The following FXR2 variants were observed in gnomAD, a reference collection of about 807,000 sequenced individuals.
FXR2 encodes FMR1 autosomal homolog 2, also known as RNA-binding protein FXR2.
In FXR2, 9 loss-of-function variants were observed where a neutral mutation model predicts 87.3. The ratio of observed to expected loss-of-function variants is 0.10; its 90% confidence interval spans 0.06 to 0.18. The LOEUF (loss-of-function observed/expected upper bound fraction) is 0.18, where lower values mean the gene tolerates loss of function less well. Ranked by LOEUF, FXR2 falls within the 10% of genes least tolerant of loss-of-function variation. FXR2 has a pLI of 1.00. For synonymous variants in FXR2, 331 were observed against 328.3 expected (o/e 1.01, Z -0.09); for missense variants, 661 against 893.6 (o/e 0.74, Z 3.32).
chr17:7,599,713 C>T (rs917013733), intron 7 of FXR2, among the ~76,000 whole-genome samples: 1 of 151,712 alleles, frequency 6.6e-6, no homozygotes, highest in African/African-American at 2.4e-5. Context: ...CCCATCTCTA[C>T]TAAAAAAGAC....
At position 7,593,478 on chromosome 17, in the gene FXR2, GGGA is replaced by G. The variant is rs747749455; in HGVS notation, c.1252_1254del (p.Ser418del). The G allele has an allele frequency of 6.9e-6, 11 of 1,588,874 alleles. No individual in the cohort carries two copies. The highest frequency in any genetic ancestry group is 5.4e-5 in the African/African-American group (4 of 74,424). On this transcript the variant is annotated inframe_deletion, in exon 12 of 17. Coordinates refer to ENST00000250113, the MANE Select transcript of FXR2 (RefSeq NM_004860.4). The surrounding 1 kb of genome is among the most constrained non-coding windows in gnomAD (Gnocchi z 6.1). Reference sequence around the variant, plus strand: ...CCCCCATAGGTTCGAGTCGCATGGAGGGAGGAGGAGGAGCTCTCATCAGTGCTA... The same window carrying G: ...CCCCCATAGGTTCGAGTCGCATGGAGGGAGGAGGAGCTCTCATCAGTGCTA...
chr17:7,592,276 T>C lies in FXR2; in HGVS notation c.1904A>G (p.Glu635Gly). ...RPPLERTKPSEDSLSGQKGDS... is the reference protein window; with the variant it reads ...RPPLERTKPSGDSLSGQKGDS... ...TACCTTCTGTCCTGAAAGAGAGTCT[T>C]CTGAGGGTTTAGTGCGTTCCAGGGG... is the stretch of plus-strand genomic sequence containing the variant. Residue 635 changes from glutamate (E) to glycine (G), a missense_variant, in exon 16 of 17, where the codon GAA becomes GGA. Glu to Gly is a moderately conservative substitution (Grantham distance 98). Coordinates refer to ENST00000250113, the MANE Select transcript of FXR2 (RefSeq NM_004860.4). This position sits in a 1 kb window ranked among gnomAD's most constrained non-coding sequence, Gnocchi z 4.8. 6.2e-7 allele frequency: 1 copy of C among 1,612,418 alleles called. No homozygotes were observed.
chr17:7,607,123 A>G (rs2071809181), intron 1 of FXR2, among the ~76,000 whole-genome samples: 1 of 152,128 alleles, frequency 6.6e-6, no homozygotes, highest in African/African-American at 2.4e-5. Flanking sequence ...GTTCGAGACC[A>G]GCCTGCCAAC....
Position 7,614,517 on chromosome 17 carries a change from A to C in FXR2, c.16T>G (p.Ser6Ala). The change falls in exon 1 of 17, where the codon TCT becomes GCT. Residue 6 changes from serine to alanine, a missense_variant. Transcript: ENST00000250113. MGGLA[S>A]GGDVEPGLPV... is the part of the protein sequence containing the mutation. ...AGTCCCGGCTCCACATCCCCCCCAGAGGCCAGGCCGCCCATGGCGCCGCCA... is the reference window on the plus strand; with the variant it reads ...AGTCCCGGCTCCACATCCCCCCCAGCGGCCAGGCCGCCCATGGCGCCGCCA... 6.7e-7 allele frequency: 1 copy of C among 1,502,330 alleles called. No individual in the cohort carries two copies. The highest frequency in any genetic ancestry group is 1.4e-5 in the African/African-American group (1 of 69,430). 93.1% of individuals were successfully genotyped at this position (1,502,330 alleles called of 1,614,324 possible).
At position 7,591,991 on chromosome 17, in the gene FXR2, C is replaced by T; in HGVS notation, c.1927-66G>A. On this transcript the variant is annotated intron_variant, in intron 16 of 16. Coordinates refer to ENST00000250113, the MANE Select transcript of FXR2 (RefSeq NM_004860.4). This position sits in a 1 kb window ranked among gnomAD's most constrained non-coding sequence, Gnocchi z 4.0. ...GGTGAGTAGAAATTCAGGTGGGAGA[C>T]ATTCCCTACCATCCAAGCCCTCCTG... 8.4e-7 allele frequency: 1 copy of T among 1,186,126 alleles called. No homozygotes were observed. Among genetic ancestry groups the T allele is most frequent in the Non-Finnish European group, 1.2e-6 (1 of 826,244 alleles). 73.5% of individuals were successfully genotyped at this position (1,186,126 alleles called of 1,614,324 possible).
Position 7,610,827 on chromosome 17 carries a change from C to T in FXR2, c.81+3625G>A, listed in dbSNP as rs143813646. 3.4e-3 allele frequency among the ~76,000 whole-genome samples: 518 copies of T among 152,294 alleles called. 2 individuals carry two copies. Among genetic ancestry groups the T allele is most frequent in the African/African-American group, 0.011 (477 of 41,566 alleles). Reference sequence around the variant, plus strand: ...ACTTGATTCAGTGGCCATAGCATCACCTGGCTTTGGCTTCTGGAGCCTGGC... The same window carrying T: ...ACTTGATTCAGTGGCCATAGCATCATCTGGCTTTGGCTTCTGGAGCCTGGC... On this transcript the variant is annotated intron_variant, in intron 1 of 16. Transcript: ENST00000250113.
rs779101067 is a variant in FXR2, at chr17:7,593,635, T to C, written c.1108-10A>G. On this transcript the variant is annotated splice_polypyrimidine_tract_variant and intron_variant, in intron 11 of 16. Transcript: ENST00000250113. The surrounding 1 kb of genome is among the most constrained non-coding windows in gnomAD (Gnocchi z 6.1). ...GAAGCTGCTCTACCTCCTGGTTGGGTAAAAGATGGAAGAAGGGGAAGGAGA... is the reference window on the plus strand; with the variant it reads ...GAAGCTGCTCTACCTCCTGGTTGGGCAAAAGATGGAAGAAGGGGAAGGAGA... The C allele has an allele frequency of 3.2e-6, 5 of 1,554,558 alleles. No homozygotes were observed. The highest frequency in any genetic ancestry group is 1.9e-5 in the Admixed American group (1 of 53,580).
At chr17:7,601,351 G>T in intron 7 of FXR2, 58 bp downstream of exon 7, 5 of 922,264 alleles carry the variant, frequency 5.4e-6, no homozygotes, top group East Asian at 4.8e-5. Flanking sequence ...ATGGAGGACA[G>T]GGTAGGAAGG....
chr17:7,607,576 C>T (rs1023763216), intron 1 of FXR2, among the ~76,000 whole-genome samples: 9 of 151,550 alleles, frequency 5.9e-5, no homozygotes, highest in Admixed American at 1.3e-4. Context: ...TACAGGCAAC[C>T]GCCACCACAC....
intron 7 of FXR2, among the ~76,000 whole-genome samples, chr17:7,600,975 T>A (rs2071750549): frequency 6.8e-6 from 1 of 147,038 alleles, no homozygotes; most frequent in South Asian, 2.2e-4. Flanking sequence ...AGGCCAGGAG[T>A]TCGAGGCCAG....
At position 7,593,508 on chromosome 17, in the gene FXR2, A is replaced by C; in HGVS notation, c.1225T>G (p.Tyr409Asp). 1 of 1,587,646 alleles carries C rather than the reference A, an allele frequency of 6.3e-7. No homozygotes were observed. The highest frequency in any genetic ancestry group is 8.6e-7 in the Non-Finnish European group (1 of 1,168,720). Reference sequence around the variant, plus strand: ...GAGGAGGAGCTCTCATCAGTGCTATATCCAGCCTTGTCGCTGCCACCGCTG... The same window carrying C: ...GAGGAGGAGCTCTCATCAGTGCTATCTCCAGCCTTGTCGCTGCCACCGCTG... Reference protein sequence around the residue: ...RGSGGSDKAGYSTDESSSSSL... With the variant: ...RGSGGSDKAGDSTDESSSSSL... The change falls in exon 12 of 17, where the codon TAT becomes GAT. Residue 409 changes from tyrosine to aspartate, a missense_variant. By Grantham distance (160) the Tyr-to-Asp change is radical. Transcript: ENST00000250113. The surrounding 1 kb of genome is among the most constrained non-coding windows in gnomAD (Gnocchi z 6.1).
chr17:7,597,080 C>T (rs2071713423), intron 7 of FXR2, among the ~76,000 whole-genome samples: 1 of 151,904 alleles, frequency 6.6e-6, no homozygotes, highest in Admixed American at 6.6e-5. Flanking sequence ...AGCCTGGTGA[C>T]AGAGCAAAAC....
At position 7,592,360 on chromosome 17, in the gene FXR2, G is replaced by A. The variant is rs2071669584; in HGVS notation, c.1826-6C>T. ...GATATAGTCAGCCACAGTCACTGGG[G>A]AAGGCAGGAGATTAAGACTTTCAGA... On this transcript the variant is annotated splice_polypyrimidine_tract_variant and splice_region_variant and intron_variant, in intron 15 of 16. Coordinates refer to ENST00000250113, the MANE Select transcript of FXR2 (RefSeq NM_004860.4). This position sits in a 1 kb window ranked among gnomAD's most constrained non-coding sequence, Gnocchi z 4.8. The A allele has an allele frequency of 7.5e-6, 12 of 1,604,108 alleles. No individual in the cohort carries two copies. Among genetic ancestry groups the A allele is most frequent in the Non-Finnish European group, 9.4e-6 (11 of 1,170,914 alleles).
chr17:7,597,142 G>A (rs2071713898), intron 7 of FXR2, among the ~76,000 whole-genome samples: 1 of 152,100 alleles, frequency 6.6e-6, no homozygotes, highest in South Asian at 2.1e-4. Flanking sequence ...CATGCCTCTA[G>A]AACACCAGGC....
intron 7 of FXR2, among the ~76,000 whole-genome samples, chr17:7,600,645 G>C (rs778894541): frequency 1.3e-5 from 2 of 152,174 alleles, no homozygotes; most frequent in African/African-American, 4.8e-5. Context: ...CAGCACTTTG[G>C]GAGGCCGAGG....
At chr17:7,609,962 A>ACATG (rs2071841324) in intron 1 of FXR2, among the ~76,000 whole-genome samples, 1 of 110,442 alleles carries the variant, frequency 9.1e-6, no homozygotes, top group Non-Finnish European at 2.3e-5. Context: ...ATACATATAT[A>ACATG]TACATGTATA....
intron 1 of FXR2, among the ~76,000 whole-genome samples, chr17:7,607,643 G>A (rs1289398458): frequency 1.3e-5 from 2 of 151,930 alleles, no homozygotes; most frequent in Admixed American, 6.6e-5. Flanking sequence ...TGGCCAGGTT[G>A]GTCTCGAACT....
intron 2 of FXR2, 31 bp downstream of exon 2, chr17:7,606,066 T>C (rs756558592): frequency 2.9e-6 from 4 of 1,390,608 alleles, no homozygotes; most frequent in Non-Finnish European, 3.0e-6. Flanking sequence ...TAGGACCTAG[T>C]ATGCTGGATT....
chr17:7,605,888 C>T, intron 2 of FXR2, 150 bp from the exon 3 acceptor site: 1 of 652,292 alleles, frequency 1.5e-6, no homozygotes, highest in South Asian at 1.8e-5. Context: ...GTAGTGTCTT[C>T]CATCTCTTTC....
Sources: allele counts gnomAD v4.1 joint callset (sites outside exome capture counted in the v4.1 genomes callset), GRCh38; gene constraint gnomAD v4.1.1; non-coding constraint Gnocchi (gnomAD v3.1); transcripts MANE v1.5; gene names NCBI Gene and HGNC (gene_info 2026-07-23, HGNC 2026-07-21).